FGF12: variants seen among roughly 807,000 people sequenced by gnomAD.
FGF12 encodes the protein fibroblast growth factor 12B.
In FGF12, 14 loss-of-function variants were observed where a neutral mutation model predicts 23.6. The observed-to-expected ratio is 0.59, with a 90% CI of 0.39 to 0.93. The LOEUF (loss-of-function observed/expected upper bound fraction) is 0.93, where lower values mean the gene tolerates loss of function less well. FGF12 is among the 40% of genes least tolerant of loss of function. The pLI, the probability that FGF12 is intolerant of heterozygous loss-of-function variation, is 0.00. For missense variants in FGF12, 175 were observed against 217.8 expected, an observed-to-expected ratio of 0.80 and a Z score of 1.24; for synonymous variants, 62 against 77.3, an observed-to-expected ratio of 0.80 and a Z score of 1.04.
chr3:192,668,138 G>A (rs1716965135), intron 2 of FGF12, among the ~76,000 whole-genome samples: 1 of 151,386 alleles, frequency 6.6e-6, no homozygotes, highest in African/African-American at 2.4e-5. Flanking sequence ...GGCAGATTAA[G>A]CACATACCAA....
At chr3:192,390,667 TTCCCA>T (rs1720251440) in intron 2 of FGF12, among the ~76,000 whole-genome samples, 1 of 152,158 alleles carries the variant, frequency 6.6e-6, no homozygotes, top group African/African-American at 2.4e-5. Context: ...TCCCTTATAG[TTCCCA>T]GAAAGTCCTC....
At chr3:192,509,235 C>G (rs1379334074) in intron 2 of FGF12, among the ~76,000 whole-genome samples, 1 of 152,192 alleles carries the variant, frequency 6.6e-6, no homozygotes, top group Non-Finnish European at 1.5e-5. Context: ...GTTCCCTTCT[C>G]TCTTCTGCTG....
intron 2 of FGF12, among the ~76,000 whole-genome samples, chr3:192,680,765 A>AG (rs1441072854): frequency 6.6e-6 from 1 of 152,218 alleles, no homozygotes; most frequent in Non-Finnish European, 1.5e-5. Context: ...CAAATCCATT[A>AG]GGAAGTATAT....
rs142855559 is a variant in FGF12, at chr3:192,321,361, C to T, written c.228+14000G>A. 1.1e-3 allele frequency among the ~76,000 whole-genome samples: 165 copies of T among 152,006 alleles called. 1 individual carries two copies. Among genetic ancestry groups the T allele is most frequent in the African/African-American group, 3.8e-3 (156 of 41,490 alleles). On this transcript the variant is annotated intron_variant, in intron 4 of 5. Coordinates refer to ENST00000445105, the MANE Select transcript of FGF12 (RefSeq NM_004113.6). Reference sequence around the variant, plus strand: ...GTTCCAGGACTTAGTGGATTCACTGCTGAATAATTTTATTAAACATTTAAT... The same window carrying T: ...GTTCCAGGACTTAGTGGATTCACTGTTGAATAATTTTATTAAACATTTAAT...
intron 2 of FGF12, among the ~76,000 whole-genome samples, chr3:192,462,182 A>G (rs989093079): frequency 6.6e-6 from 1 of 152,210 alleles, no homozygotes; most frequent in Non-Finnish European, 1.5e-5. Flanking sequence ...AATGTCAATA[A>G]AACAGTGGGA....
At chr3:192,710,366 A>C (rs535224526) in intron 2 of FGF12, among the ~76,000 whole-genome samples, 1 of 152,348 alleles carries the variant, frequency 6.6e-6, no homozygotes, top group Admixed American at 6.5e-5. Flanking sequence ...AACATAATTA[A>C]AAGTACAATA....
chr3:192,359,544 C>T (rs2108731533), intron 3 of FGF12, among the ~76,000 whole-genome samples: 1 of 152,274 alleles, frequency 6.6e-6, no homozygotes, highest in South Asian at 2.1e-4. Context: ...TGGCACCATA[C>T]ATAATTTTAG....
intron 2 of FGF12, among the ~76,000 whole-genome samples, chr3:192,435,539 T>C (rs1721996117): frequency 6.6e-6 from 1 of 152,178 alleles, no homozygotes; most frequent in African/African-American, 2.4e-5. Context: ...ACAGATAATG[T>C]ACTGGAAACC....
At chr3:192,202,908 T>C (rs1179179475) in intron 4 of FGF12, among the ~76,000 whole-genome samples, 1 of 152,212 alleles carries the variant, frequency 6.6e-6, no homozygotes, top group Non-Finnish European at 1.5e-5. Context: ...TATTTTATAT[T>C]TATTTTCTAT....
At position 192,170,514 on chromosome 3, in the gene FGF12, C is replaced by G. The variant is rs267599732; in HGVS notation, c.371G>C (p.Gly124Ala). Residue 124 changes from glycine to alanine, a missense_variant, in exon 5 of 6, where the codon GGG becomes GCG. Physicochemically the swap from Gly to Ala is moderately conservative, Grantham distance 60. Transcript: ENST00000445105. ...GGGCTTGGTTTTCTTCACTCTGTTC[C>G]CCTTCATAATTTGACCTTCTTTATT... ...GLNKEGQIMK[G>A]NRVKKTKPSS... The G allele has an allele frequency of 3.7e-6, 6 of 1,613,914 alleles. No individual in the cohort carries two copies. The highest frequency in any genetic ancestry group is 2.7e-5 in the African/African-American group (2 of 74,996).
chr3:192,553,728 G>A (rs1711626769), intron 2 of FGF12, among the ~76,000 whole-genome samples: 1 of 152,142 alleles, frequency 6.6e-6, no homozygotes, highest in Non-Finnish European at 1.5e-5. Flanking sequence ...ACAATCCGGA[G>A]AAAACTCCCA....
At chr3:192,185,443 T>C (rs1307369295) in intron 4 of FGF12, among the ~76,000 whole-genome samples, 2 of 152,202 alleles carry the variant, frequency 1.3e-5, no homozygotes. Context: ...ATGAAGCCTA[T>C]TACAGATAGC....
chr3:192,454,768 T>G (rs1722629304), intron 2 of FGF12, among the ~76,000 whole-genome samples: 1 of 152,140 alleles, frequency 6.6e-6, no homozygotes, highest in Admixed American at 6.5e-5. Context: ...GATTGTTAAT[T>G]ACTACAGATC....
chr3:192,725,433 C>T (rs1462601317), intron 2 of FGF12, among the ~76,000 whole-genome samples: 1 of 152,062 alleles, frequency 6.6e-6, no homozygotes, highest in African/African-American at 2.4e-5. Context: ...TGAACTGATT[C>T]TTTTCGGATG....
At chr3:192,632,462 A>G (rs1239774719) in intron 2 of FGF12, among the ~76,000 whole-genome samples, 1 of 152,216 alleles carries the variant, frequency 6.6e-6, no homozygotes, top group African/African-American at 2.4e-5. Flanking sequence ...TCAAGCTTCA[A>G]ATGCCAAGCA....
chr3:192,458,328 T>C (rs1297095846), intron 2 of FGF12, among the ~76,000 whole-genome samples: 1 of 152,052 alleles, frequency 6.6e-6, no homozygotes, highest in African/African-American at 2.4e-5. Context: ...ACTGTGTGCC[T>C]GGAAAAGCTG....
intron 2 of FGF12, among the ~76,000 whole-genome samples, chr3:192,472,953 G>A (rs879439386): frequency 2.0e-5 from 3 of 152,134 alleles, no homozygotes; most frequent in African/African-American, 4.8e-5. Flanking sequence ...CACCTGTTCT[G>A]AGAAGTCTCT....
intron 2 of FGF12, among the ~76,000 whole-genome samples, chr3:192,504,074 G>C (rs2108835057): frequency 6.6e-6 from 1 of 152,076 alleles, no homozygotes; most frequent in East Asian, 1.9e-4. Flanking sequence ...TATCCTAAGC[G>C]AACTAACACA....
At chr3:192,350,083 A>G (rs1034137082) in intron 3 of FGF12, among the ~76,000 whole-genome samples, 1 of 152,098 alleles carries the variant, frequency 6.6e-6, no homozygotes, top group African/African-American at 2.4e-5. Flanking sequence ...TCAAGGCGTT[A>G]CTCATTATTA....
Sources: gnomAD v4.1 joint callset for allele counts (sites outside exome capture counted in the v4.1 genomes callset) on GRCh38, gnomAD v4.1.1 for gene constraint, MANE v1.5 for transcripts, NCBI Gene and HGNC (gene_info 2026-07-23, HGNC 2026-07-21) for gene names.